Variants in CA5A observed in about 807,000 individuals in gnomAD.
CA5A encodes the protein carbonic anhydrase 5A, mitochondrial.
Under a neutral mutation model 37.1 loss-of-function variants are expected in CA5A, and 28 were observed. That is an observed-to-expected ratio of 0.75 (90% CI 0.56 to 1.03). CA5A has a LOEUF of 1.03. Among genes scored for constraint, CA5A ranks in the 50% least tolerant of loss-of-function variants. The pLI, the probability that CA5A is intolerant of heterozygous loss-of-function variation, is 0.00. For synonymous variants in CA5A, 171 were observed against 158.4 expected, an observed-to-expected ratio of 1.08 and a Z score of -0.60; for missense variants, 444 against 399.9, an observed-to-expected ratio of 1.11 and a Z score of -0.94.
chr16:87,895,415 CAT>C, intron 5 of CA5A, among the ~76,000 whole-genome samples: 1 of 152,140 alleles, frequency 6.6e-6, no homozygotes, highest in Admixed American at 6.5e-5. Context: ...CGTGGTGGCG[CAT>C]GCCTGTAATC....
chr16:87,896,492 G>A (rs1032203990), intron 5 of CA5A, among the ~76,000 whole-genome samples: 14 of 152,220 alleles, frequency 9.2e-5, no homozygotes, highest in Non-Finnish European at 1.3e-4. Context: ...TGATCCTCAG[G>A]CAGCTAGAAT....
chr16:87,891,978 C>A, intron 5 of CA5A, 24 bp from the exon 6 acceptor site: 1 of 1,511,918 alleles, frequency 6.6e-7, no homozygotes, highest in Non-Finnish European at 8.8e-7. Flanking sequence ...AAGCACAGGA[C>A]GTGTCAGTCC....
chr16:87,926,326 C>T (rs370337890), intron 2 of CA5A, among the ~76,000 whole-genome samples: 1 of 152,194 alleles, frequency 6.6e-6, no homozygotes, highest in African/African-American at 2.4e-5. Context: ...TGCTGTGGAC[C>T]CAACTTCCTT....
intron 2 of CA5A, chr16:87,923,617 C>A: frequency 1.0e-6 from 1 of 985,484 alleles, no homozygotes; most frequent in Non-Finnish European, 1.2e-6. Context: ...GTGCCTGATG[C>A]TCCACCAGCT....
intron 2 of CA5A, among the ~76,000 whole-genome samples, chr16:87,919,320 G>A (rs2056198172): frequency 6.6e-6 from 1 of 152,222 alleles, no homozygotes; most frequent in African/African-American, 2.4e-5. Flanking sequence ...TCCTGCGGGA[G>A]TGCTGCCTCC....
In CA5A at chr16:87,911,993, AT is replaced by A. The variant is rs1220164332; in HGVS notation, c.341-7090del. 9.2e-5 allele frequency among the ~76,000 whole-genome samples: 14 copies of A among 152,206 alleles called. No individual in the cohort carries two copies. The highest frequency in any genetic ancestry group is 3.4e-4 in the African/African-American group (14 of 41,514). On this transcript the variant is annotated intron_variant, in intron 2 of 6. Coordinates refer to ENST00000649794, the MANE Select transcript of CA5A (RefSeq NM_001739.2). The surrounding 1 kb of genome is among the most constrained non-coding windows in gnomAD (Gnocchi z 4.6). ...ACTTACTATTATTATGACTGGTGTT[AT>A]TGTTATTATTAAAATTACTGTCATC...
chr16:87,934,725 C>T (rs1292960675), intron 1 of CA5A, among the ~76,000 whole-genome samples: 1 of 152,072 alleles, frequency 6.6e-6, no homozygotes, highest in Non-Finnish European at 1.5e-5. Flanking sequence ...TTTAGGAGGC[C>T]GAGGCAGGTA....
intron 2 of CA5A, among the ~76,000 whole-genome samples, chr16:87,907,295 G>A (rs1395210756): frequency 6.6e-6 from 1 of 152,068 alleles, no homozygotes. Flanking sequence ...CCACAAAATG[G>A]GAGCACGGTG....
intron 5 of CA5A, among the ~76,000 whole-genome samples, chr16:87,897,093 C>T (rs1170068453): frequency 1.3e-5 from 2 of 152,246 alleles, no homozygotes; most frequent in Admixed American, 6.5e-5. Flanking sequence ...TCCATCAGTG[C>T]CTGCCACGTG....
intron 2 of CA5A, among the ~76,000 whole-genome samples, chr16:87,906,374 T>G (rs1007830539): frequency 6.6e-6 from 1 of 152,212 alleles, no homozygotes; most frequent in Non-Finnish European, 1.5e-5. Context: ...ACACCTGTAC[T>G]CCTAGCGCTT....
intron 2 of CA5A, among the ~76,000 whole-genome samples, chr16:87,917,672 T>G (rs560623311): frequency 6.8e-5 from 6 of 88,156 alleles, no homozygotes; most frequent in African/African-American, 2.9e-4. Flanking sequence ...TAGAGACACA[T>G]GCACACAGTG....
chr16:87,926,715 G>A, intron 2 of CA5A, 33 bp downstream of exon 2: 2 of 1,569,772 alleles, frequency 1.3e-6, no homozygotes, highest in Non-Finnish European at 1.7e-6. Flanking sequence ...CAACGGGAGA[G>A]GACAAAGCCC....
intron 5 of CA5A, chr16:87,893,778 CA>C (rs2055760765): frequency 1.0e-5 from 4 of 386,062 alleles, no homozygotes; most frequent in South Asian, 8.1e-5. Context: ...CACTCACAGC[CA>C]AAAAACAAAA....
chr16:87,891,581 G>A (rs771174699), intron 6 of CA5A, among the ~76,000 whole-genome samples: 23 of 152,254 alleles, frequency 1.5e-4, no homozygotes, highest in South Asian at 1.0e-3. Context: ...AGATTAGGGC[G>A]TTGCTCAGGA....
intron 5 of CA5A, among the ~76,000 whole-genome samples, chr16:87,895,324 T>A (rs2055786089): frequency 2.0e-5 from 3 of 152,138 alleles, no homozygotes; most frequent in Admixed American, 2.0e-4. Flanking sequence ...GGCGGATGGA[T>A]CACCTGAGGT....
chr16:87,913,631 C>G (rs2056084469), intron 2 of CA5A, among the ~76,000 whole-genome samples: 1 of 151,500 alleles, frequency 6.6e-6, no homozygotes, highest in Non-Finnish European at 1.5e-5. Context: ...TTGCACCTTC[C>G]CATCTGAGTG....
At chr16:87,929,180 G>A (rs1463125553) in intron 1 of CA5A, among the ~76,000 whole-genome samples, 2 of 151,250 alleles carry the variant, frequency 1.3e-5, no homozygotes, top group South Asian at 2.1e-4. Flanking sequence ...GGCTGGGCGC[G>A]GTGGCTCACG....
chr16:87,890,847 T>C (rs2055702970), intron 6 of CA5A, among the ~76,000 whole-genome samples: 1 of 152,078 alleles, frequency 6.6e-6, no homozygotes, highest in African/African-American at 2.4e-5. Flanking sequence ...CAGGCTGGAG[T>C]GCAGTGGCGT....
rs749940049 is a variant in CA5A at position 87,891,909 on chromosome 16, G to C, written c.664C>G (p.Pro222Ala). The C allele has an allele frequency of 1.3e-6, 2 of 1,567,624 alleles. No individual in the cohort carries two copies. Among genetic ancestry groups the C allele is most frequent in the Non-Finnish European group, 8.6e-7 (1 of 1,158,046 alleles). The change falls in exon 6 of 7, where the codon CCC (proline) becomes GCC (alanine). Residue 222 changes from proline to alanine, a missense_variant. Physicochemically the swap from Pro to Ala is conservative, Grantham distance 27 (BLOSUM62 -1). Transcript: ENST00000649794. ...MRPFDPSTLL[P>A]TCWDYWTYAG... ...TAGGTCCAGTAATCCCAGCAGGTGGGCAGCAGAGTGGAGGGGTCGAAGGGG... is the reference window on the plus strand; with the variant it reads ...TAGGTCCAGTAATCCCAGCAGGTGGCCAGCAGAGTGGAGGGGTCGAAGGGG...
Sources: allele counts gnomAD v4.1 joint callset (sites outside exome capture counted in the v4.1 genomes callset), GRCh38; gene constraint gnomAD v4.1.1; non-coding constraint Gnocchi (gnomAD v3.1); transcripts MANE v1.5; gene names NCBI Gene and HGNC (gene_info 2026-07-23, HGNC 2026-07-21).